Variants in NRXN1 observed in about 807,000 individuals in gnomAD.
NRXN1 encodes neurexin 1.
NRXN1 carries 39 observed loss-of-function variants against 150.9 expected under a neutral mutation model. That is an observed-to-expected ratio of 0.26 (90% confidence interval 0.20 to 0.34). The LOEUF (loss-of-function observed/expected upper bound fraction) is 0.34. NRXN1 is among the 10% of genes least tolerant of loss of function. NRXN1 has a pLI of 1.00. For synonymous variants in NRXN1, 924 were observed against 757.0 expected (o/e 1.22, Z -3.62); for missense variants, 1,815 against 1,949.9 (o/e 0.93, Z 1.30).
At chr2:50,290,409 C>T (rs537832897) in intron 17 of NRXN1, among the ~76,000 whole-genome samples, 30 of 152,312 alleles carry the variant, frequency 2.0e-4, no homozygotes, top group African/African-American at 6.0e-4. Flanking sequence ...TGCCACACTT[C>T]CTTCCAAACA....
chr2:50,046,636 A>T (rs181354765), intron 21 of NRXN1, among the ~76,000 whole-genome samples: 2 of 152,212 alleles, frequency 1.3e-5, no homozygotes, highest in Admixed American at 1.3e-4. Context: ...TATACTCTTG[A>T]CTCCTATAAT....
At chr2:50,876,199 A>G (rs1678565750) in intron 5 of NRXN1, among the ~76,000 whole-genome samples, 1 of 151,880 alleles carries the variant, frequency 6.6e-6, no homozygotes, top group Admixed American at 6.6e-5. Context: ...TGATGAATAT[A>G]AAACCCATCC....
intron 5 of NRXN1, among the ~76,000 whole-genome samples, chr2:50,920,548 C>T (rs955320366): frequency 1.3e-5 from 2 of 151,666 alleles, no homozygotes; most frequent in African/African-American, 2.4e-5. Context: ...ATACTTTACT[C>T]AGCCAGTAAG....
intron 5 of NRXN1, among the ~76,000 whole-genome samples, chr2:50,630,398 T>C (rs1682062029): frequency 6.6e-6 from 1 of 151,672 alleles, no homozygotes; most frequent in South Asian, 2.1e-4. Context: ...CACACAAAAA[T>C]TGATTCTCAG....
At chr2:50,617,950 G>A (rs1253248072) in intron 8 of NRXN1, among the ~76,000 whole-genome samples, 1 of 152,164 alleles carries the variant, frequency 6.6e-6, no homozygotes, top group Non-Finnish European at 1.5e-5. Flanking sequence ...ATTATCAGAA[G>A]ATTATGTGTC....
At chr2:50,769,182 A>G (rs1702715511) in intron 5 of NRXN1, among the ~76,000 whole-genome samples, 1 of 152,008 alleles carries the variant, frequency 6.6e-6, no homozygotes, top group Admixed American at 6.6e-5. Flanking sequence ...TGTCCTCCCT[A>G]CCACTCAGAT....
chr2:50,960,794 C>T (rs1378907757), intron 2 of NRXN1, among the ~76,000 whole-genome samples: 3 of 151,728 alleles, frequency 2.0e-5, no homozygotes, highest in African/African-American at 4.8e-5. Flanking sequence ...AAACGTTTAA[C>T]CAAAGCAATA....
chr2:50,574,238 A>G (rs1422757433), intron 8 of NRXN1, among the ~76,000 whole-genome samples: 2 of 152,152 alleles, frequency 1.3e-5, no homozygotes. Flanking sequence ...ATGCCATCTA[A>G]CCAATAGAAG....
At chr2:50,317,169 A>C (rs1421525965) in intron 17 of NRXN1, among the ~76,000 whole-genome samples, 4 of 152,002 alleles carry the variant, frequency 2.6e-5, no homozygotes, top group African/African-American at 9.7e-5. Context: ...AAATACATGT[A>C]ATCACTGTTC....
chr2:50,688,951 T>C (rs1317467798), intron 5 of NRXN1, among the ~76,000 whole-genome samples: 2 of 152,164 alleles, frequency 1.3e-5, no homozygotes, highest in Non-Finnish European at 2.9e-5. Context: ...TCCGAACACA[T>C]TTAAGTGGAT....
At chr2:50,251,275 T>G (rs1473996600) in intron 17 of NRXN1, among the ~76,000 whole-genome samples, 1 of 152,096 alleles carries the variant, frequency 6.6e-6, no homozygotes, top group Non-Finnish European at 1.5e-5. Flanking sequence ...ACTGAGAACG[T>G]GCACTGTTTG....
At chr2:50,287,839 T>C (rs1037046617) in intron 17 of NRXN1, among the ~76,000 whole-genome samples, 2 of 152,162 alleles carry the variant, frequency 1.3e-5, no homozygotes, top group African/African-American at 4.8e-5. Context: ...AAATATTACT[T>C]AGTATGTATT....
chr2:50,557,720 C>G (rs1668459544), intron 8 of NRXN1, among the ~76,000 whole-genome samples: 1 of 152,156 alleles, frequency 6.6e-6, no homozygotes, highest in Admixed American at 6.5e-5. Flanking sequence ...TTTTTATTAA[C>G]ATTATTATAA....
At chr2:50,720,262 C>T (rs367547424) in intron 5 of NRXN1, among the ~76,000 whole-genome samples, 1 of 152,160 alleles carries the variant, frequency 6.6e-6, no homozygotes, top group East Asian at 1.9e-4. Context: ...TTTCGAAACT[C>T]CCACAAGTAA....
At chr2:50,429,562 A>G (rs2084780711) in intron 17 of NRXN1, among the ~76,000 whole-genome samples, 1 of 146,436 alleles carries the variant, frequency 6.8e-6, no homozygotes, top group Non-Finnish European at 1.5e-5. Flanking sequence ...AGCCAATAAT[A>G]TTCTCAAAAT....
chr2:50,456,364 C>G (rs1430050614), intron 17 of NRXN1, among the ~76,000 whole-genome samples: 1 of 152,076 alleles, frequency 6.6e-6, no homozygotes, highest in East Asian at 1.9e-4. Flanking sequence ...TAAAATCACA[C>G]AATCTATAAT....
chr2:50,515,548 G>A (rs1025145112), intron 12 of NRXN1, among the ~76,000 whole-genome samples: 3 of 150,448 alleles, frequency 2.0e-5, no homozygotes, highest in South Asian at 4.2e-4. Flanking sequence ...GATAAATTAG[G>A]TTCCTTTCCT....
intron 17 of NRXN1, among the ~76,000 whole-genome samples, chr2:50,260,126 G>A (rs1018192251): frequency 1.3e-5 from 2 of 151,830 alleles, no homozygotes; most frequent in African/African-American, 4.8e-5. Flanking sequence ...ACTCTAGTTA[G>A]ACAATCTGTA....
chr2:50,151,283 A>G (rs2058680421), intron 18 of NRXN1, among the ~76,000 whole-genome samples: 1 of 151,714 alleles, frequency 6.6e-6, no homozygotes, highest in African/African-American at 2.4e-5. Context: ...TGCCTTTCTG[A>G]CAGTTACAAA....
Sources: gnomAD v4.1 joint callset for allele counts (sites outside exome capture counted in the v4.1 genomes callset) on GRCh38, gnomAD v4.1.1 for gene constraint, MANE v1.5 for transcripts, NCBI Gene and HGNC (gene_info 2026-07-23, HGNC 2026-07-21) for gene names.